The following CFAP47 variants were observed in gnomAD, a reference collection of about 807,000 sequenced individuals.
CFAP47 encodes the protein cilia- and flagella-associated protein 47.
A neutral mutation model predicts 148.1 loss-of-function variants in CFAP47; 29 were observed. The ratio of observed to expected loss-of-function variants is 0.20; its 90% CI spans 0.15 to 0.27. The LOEUF (loss-of-function observed/expected upper bound fraction) is 0.27. Among genes scored for constraint, CFAP47 ranks in the 10% least tolerant of loss-of-function variants. CFAP47 has a pLI of 1.00. For missense variants in CFAP47, 1,872 were observed against 1,697.5 expected, an observed-to-expected ratio of 1.10 and a Z score of -1.81; for synonymous variants, 664 against 577.3, an observed-to-expected ratio of 1.15 and a Z score of -2.15.
chrX:36,222,416 G>A (rs1434712602), intron 45 of CFAP47, among the ~76,000 whole-genome samples: 1 of 107,715 alleles, frequency 9.3e-6, no homozygotes, highest in Non-Finnish European at 1.9e-5. Context: ...AATCTCCCTG[G>A]TAATAGAAAA....
At chrX:35,974,735 G>A (rs1445260892) in intron 13 of CFAP47, among the ~76,000 whole-genome samples, 5 of 111,286 alleles carry the variant, frequency 4.5e-5, no homozygotes, top group Non-Finnish European at 9.4e-5. Flanking sequence ...ATAAAATCCT[G>A]GGCATTTTAA....
intron 47 of CFAP47, among the ~76,000 whole-genome samples, chrX:36,236,358 C>T (rs187172984): frequency 7.1e-5 from 8 of 111,919 alleles, no homozygotes; most frequent in Admixed American, 1.9e-4. Flanking sequence ...CCTTCCTATT[C>T]ATTAAAGAAA....
intron 16 of CFAP47, among the ~76,000 whole-genome samples, chrX:35,990,440 C>T (rs1474832652): frequency 9.0e-6 from 1 of 110,984 alleles, no homozygotes; most frequent in Non-Finnish European, 1.9e-5. Flanking sequence ...CTATGTTGCA[C>T]TAGTTCTGTG....
intron 62 of CFAP47, among the ~76,000 whole-genome samples, chrX:36,371,892 A>G (rs1458628628): frequency 1.2e-4 from 10 of 83,082 alleles, no homozygotes; most frequent in African/African-American, 5.2e-4. Context: ...GTGTGCATAT[A>G]CACACATGTG....
intron 23 of CFAP47, 40 bp from the exon 24 acceptor site, chrX:36,035,655 T>C (rs1253715680): frequency 3.4e-6 from 1 of 290,587 alleles, no homozygotes; most frequent in Non-Finnish European, 6.0e-6. Context: ...TTGCATGCTA[T>C]AATTTTAAAC....
chrX:35,998,801 T>C (rs764501459), intron 19 of CFAP47, among the ~76,000 whole-genome samples: 21 of 111,844 alleles, frequency 1.9e-4, no homozygotes, highest in African/African-American at 6.8e-4. Flanking sequence ...GTTTTTTGCA[T>C]TACTATGGCA....
At chrX:36,042,282 A>G (rs139839626) in intron 25 of CFAP47, among the ~76,000 whole-genome samples, 276 of 111,800 alleles carry the variant, frequency 2.5e-3, no homozygotes, top group Middle Eastern at 4.7e-3. Context: ...AAGCATTTTA[A>G]TAGAGAACCT....
intron 39 of CFAP47, among the ~76,000 whole-genome samples, chrX:36,177,970 G>A (rs1355260249): frequency 1.8e-5 from 2 of 111,678 alleles, no homozygotes; most frequent in African/African-American, 6.5e-5. Context: ...AGAAAACGTG[G>A]TACATATGCA....
intron 60 of CFAP47, among the ~76,000 whole-genome samples, chrX:36,356,170 T>C (rs1437045647): frequency 9.0e-6 from 1 of 111,651 alleles, no homozygotes; most frequent in East Asian, 2.8e-4. Context: ...ATTTTACTGC[T>C]TCCTTATTTT....
At chrX:35,932,688 G>A (rs1373804560) in intron 2 of CFAP47, among the ~76,000 whole-genome samples, 2 of 108,621 alleles carry the variant, frequency 1.8e-5, no homozygotes, top group African/African-American at 3.4e-5. Flanking sequence ...GTGCAGTGGC[G>A]TGATCTCAGC....
intron 57 of CFAP47, among the ~76,000 whole-genome samples, chrX:36,340,527 T>C (rs1370297750): frequency 9.0e-6 from 1 of 111,701 alleles, no homozygotes; most frequent in Non-Finnish European, 1.9e-5. Context: ...TGTCTTCATG[T>C]GGTCTTTTCT....
In CFAP47 at chrX:36,174,961, T is replaced by G. The variant is rs1226462904; in HGVS notation, c.6027-4384T>G. 5.4e-5 allele frequency among the ~76,000 whole-genome samples: 6 copies of G among 112,091 alleles called. No homozygotes were observed. In the Admixed American group the frequency reaches 5.6e-4, roughly 10 times the overall value. On this transcript the variant is annotated intron_variant, in intron 39 of 63. Coordinates refer to ENST00000378653, the MANE Select transcript of CFAP47 (RefSeq NM_001304548.2). ...ACCAGTCAGACGTAGATTTGGTCTT[T>G]TCACATAGTCCCATATTTCTTGGAG...
chrX:36,025,252 G>A (rs1158262393), intron 22 of CFAP47, among the ~76,000 whole-genome samples: 1 of 111,320 alleles, frequency 9.0e-6, no homozygotes, highest in East Asian at 2.8e-4. Flanking sequence ...AAAGGTTCTA[G>A]ATGAATGTTG....
chrX:36,101,965 G>T (rs758657999), intron 32 of CFAP47, among the ~76,000 whole-genome samples: 1 of 111,265 alleles, frequency 9.0e-6, no homozygotes, highest in Non-Finnish European at 1.9e-5. Flanking sequence ...GTGGGATAGC[G>T]CTCAATATAT....
intron 15 of CFAP47, among the ~76,000 whole-genome samples, chrX:35,985,039 A>C: frequency 9.0e-6 from 1 of 111,425 alleles, no homozygotes; most frequent in Admixed American, 9.5e-5. Context: ...TGTCAGTGGG[A>C]TGTTGATGTC....
chrX:36,346,837 A>G (rs1201360043), intron 57 of CFAP47, among the ~76,000 whole-genome samples: 4 of 111,798 alleles, frequency 3.6e-5, no homozygotes, highest in African/African-American at 1.3e-4. Flanking sequence ...TAAAAATCCT[A>G]GAAGAAAACC....
At chrX:35,943,621 T>C (rs1936043519) in intron 3 of CFAP47, among the ~76,000 whole-genome samples, 1 of 111,619 alleles carries the variant, frequency 9.0e-6, no homozygotes, top group Non-Finnish European at 1.9e-5. Flanking sequence ...TGGTCCATTC[T>C]TTATGGTGTC....
At chrX:36,162,957 T>C (rs1939447573) in intron 39 of CFAP47, among the ~76,000 whole-genome samples, 1 of 112,119 alleles carries the variant, frequency 8.9e-6, no homozygotes, top group Admixed American at 9.5e-5. Context: ...TTCTATTGTT[T>C]GGAATACTTT....
In CFAP47 at chrX:36,254,978, T is replaced by C. The variant is rs374334842; in HGVS notation, c.7444+3534T>C. 1.9e-4 allele frequency among the ~76,000 whole-genome samples: 21 copies of C among 111,774 alleles called. No homozygotes were observed. The East Asian group carries it at 4.5e-3, about 24-fold the overall frequency. On this transcript the variant is annotated intron_variant, in intron 49 of 63. Transcript: ENST00000378653. ...ATGTACTAATGTTATACCAATATTA[T>C]ATTTGGTATGTTTGTTGGTAGAAAG...
Sources: gnomAD v4.1 joint callset for allele counts (sites outside exome capture counted in the v4.1 genomes callset) on GRCh38, gnomAD v4.1.1 for gene constraint, MANE v1.5 for transcripts, NCBI Gene and HGNC (gene_info 2026-07-23, HGNC 2026-07-21) for gene names.